The following TUBA1A variants were observed in gnomAD, a reference collection of about 807,000 sequenced individuals.
TUBA1A encodes the protein tubulin alpha-1A chain.
A neutral mutation model predicts 34.6 loss-of-function variants in TUBA1A; 7 were observed. The ratio of observed to expected loss-of-function variants is 0.20; its 90% CI spans 0.11 to 0.38. The LOEUF is 0.38. Ranked by LOEUF, TUBA1A falls within the 10% of genes least tolerant of loss-of-function variation. TUBA1A has a pLI of 1.00. For synonymous variants in TUBA1A, 193 were observed against 210.2 expected, an observed-to-expected ratio of 0.92 and a Z score of 0.71; for missense variants, 19 against 581.3, an observed-to-expected ratio of 0.03 and a Z score of 9.95.
rs927504561 is a variant in TUBA1A at position 49,186,216 on chromosome 12, A to G, written c.375+94T>C. 6.2e-7 allele frequency: 1 copy of G among 1,610,224 alleles called. No individual in the cohort carries two copies. Among genetic ancestry groups the G allele is most frequent in the Non-Finnish European group, 8.5e-7 (1 of 1,178,584 alleles). On this transcript the variant is annotated intron_variant, in intron 3 of 3. Transcript: ENST00000301071. This position sits in a 1 kb window ranked among gnomAD's most constrained non-coding sequence, Gnocchi z 6.6. ...ATGACTCATTCCACTCTTTATTAAAATAACAGTTCAATTCTGTGTTTGAAA... is the reference window on the plus strand; with the variant it reads ...ATGACTCATTCCACTCTTTATTAAAGTAACAGTTCAATTCTGTGTTTGAAA...
At chr12:49,187,891 G>T (rs935449883) in intron 1 of TUBA1A, 24 of 969,440 alleles carry the variant, frequency 2.5e-5, no homozygotes, top group Non-Finnish European at 2.9e-5. Context: ...TTGTCTATTC[G>T]CTGATGTGGT....
chr12:49,186,110 G>T lies in TUBA1A; in HGVS notation c.376-120C>A. The T allele has an allele frequency of 6.6e-7, 1 of 1,521,296 alleles. No homozygotes were observed. Among genetic ancestry groups the T allele is most frequent in the Non-Finnish European group, 8.8e-7 (1 of 1,131,388 alleles). 94.2% of individuals were successfully genotyped at this position (1,521,296 alleles called of 1,614,324 possible). On this transcript the variant is annotated intron_variant, in intron 3 of 3. Transcript: ENST00000301071. This position sits in a 1 kb window ranked among gnomAD's most constrained non-coding sequence, Gnocchi z 6.6. ...GGACTTAGATCTTATTTTGACAAATGCTTTTTAAAAAATTCTCATTAACAT... is the reference window on the plus strand; with the variant it reads ...GGACTTAGATCTTATTTTGACAAATTCTTTTTAAAAAATTCTCATTAACAT...
Position 49,186,945 on chromosome 12 carries a change from T to A in TUBA1A, c.4-112A>T. On this transcript the variant is annotated intron_variant, in intron 1 of 3. Transcript: ENST00000301071. The surrounding 1 kb of genome is among the most constrained non-coding windows in gnomAD (Gnocchi z 6.6). ...ATATACAGATATTTTTCTAAATTATTTGAGGTCATATCCCCAGCACGATAC... is the reference window on the plus strand; with the variant it reads ...ATATACAGATATTTTTCTAAATTATATGAGGTCATATCCCCAGCACGATAC... The A allele has an allele frequency of 6.5e-7, 1 of 1,527,920 alleles. No homozygotes were observed. The highest frequency in any genetic ancestry group is 8.7e-7 in the Non-Finnish European group (1 of 1,143,426). The allele number at this position is 1,527,920 out of a possible 1,614,324, so 94.6% of individuals were successfully genotyped here.
At position 49,188,054 on chromosome 12, in the gene TUBA1A, C is replaced by A; in HGVS notation, c.3+923G>T. ...CACACACACACACACACACTTCAGT[C>A]GGTCAGGGCAGGGCGTCCCACAGAC... On this transcript the variant is annotated intron_variant, in intron 1 of 3. Coordinates refer to ENST00000301071, the MANE Select transcript of TUBA1A (RefSeq NM_006009.4). This position sits in a 1 kb window ranked among gnomAD's most constrained non-coding sequence, Gnocchi z 4.9. The A allele has an allele frequency of 1.1e-6, 1 of 938,976 alleles. No homozygotes were observed. The allele number at this position is 938,976 out of a possible 1,614,324, so 58.2% of individuals were successfully genotyped here. A position where few individuals can be genotyped will look rare whatever the true frequency, so the allele number is the denominator to read the frequency against.
In TUBA1A at chr12:49,188,931, C is replaced by T. The variant is rs1942218006; in HGVS notation, c.3+46G>A. 6 of 1,614,110 alleles carry T rather than the reference C, an allele frequency of 3.7e-6. No individual in the cohort carries two copies. The African/African-American group carries it at 4.0e-5, about 11-fold the overall frequency. ...AGGTTTTCCAAGTAGAGCCTGGGGG[C>T]GCTGACTCCACCCAACGGCCACAAA... is the stretch of plus-strand genomic sequence containing the variant. On this transcript the variant is annotated intron_variant, in intron 1 of 3. Transcript: ENST00000301071. The surrounding 1 kb of genome is among the most constrained non-coding windows in gnomAD (Gnocchi z 4.9).
At position 49,188,729 on chromosome 12, in the gene TUBA1A, G is replaced by A; in HGVS notation, c.3+248C>T. 1 of 1,451,968 alleles carries A rather than the reference G, an allele frequency of 6.9e-7. No homozygotes were observed. The highest frequency in any genetic ancestry group is 9.0e-7 in the Non-Finnish European group (1 of 1,111,324). 89.9% of individuals were successfully genotyped at this position (1,451,968 alleles called of 1,614,324 possible). On this transcript the variant is annotated intron_variant, in intron 1 of 3. Coordinates refer to ENST00000301071, the MANE Select transcript of TUBA1A (RefSeq NM_006009.4). This position sits in a 1 kb window ranked among gnomAD's most constrained non-coding sequence, Gnocchi z 4.9. ...CGAAAGTCTCTCGGATAACACAGGC[G>A]CCTAGGCGCCGCCTTTGTTCCTCCC... is the stretch of plus-strand genomic sequence containing the variant.
Position 49,186,861 on chromosome 12 carries a change from T to C in TUBA1A, c.4-28A>G. 3.7e-6 allele frequency: 6 copies of C among 1,613,926 alleles called. No individual in the cohort carries two copies. The highest frequency in any genetic ancestry group is 4.2e-6 in the Non-Finnish European group (5 of 1,179,932). ...GTGGGGAGGAAAAGTGAAAAAATCG[T>C]AAAATTAAGGTGTATTAGCATTTCA... On this transcript the variant is annotated intron_variant, in intron 1 of 3. Transcript: ENST00000301071. The surrounding 1 kb of genome is among the most constrained non-coding windows in gnomAD (Gnocchi z 6.6).
At position 49,184,946 on chromosome 12, in the gene TUBA1A, C is replaced by T; in HGVS notation, c.*64G>A. Reference sequence around the variant, plus strand: ...TACAAATTAACTGATCAGACCACAACTTTTCAATGTTTAAAACAGAATAAG... The same window carrying T: ...TACAAATTAACTGATCAGACCACAATTTTTCAATGTTTAAAACAGAATAAG... On this transcript the variant is annotated 3_prime_UTR_variant, in exon 4 of 4. Coordinates refer to ENST00000301071, the MANE Select transcript of TUBA1A (RefSeq NM_006009.4). The T allele has an allele frequency of 6.2e-7, 1 of 1,613,528 alleles. No individual in the cohort carries two copies. Among genetic ancestry groups the T allele is most frequent in the Non-Finnish European group, 8.5e-7 (1 of 1,179,706 alleles).
At position 49,188,957 on chromosome 12, in the gene TUBA1A, G is replaced by C; in HGVS notation, c.3+20C>G. On this transcript the variant is annotated intron_variant, in intron 1 of 3. Transcript: ENST00000301071. This position sits in a 1 kb window ranked among gnomAD's most constrained non-coding sequence, Gnocchi z 4.9. ...GCTGACTCCACCCAACGGCCACAAAGAGCCGAAGCCGATTCTCACCATGGT... is the reference window on the plus strand; with the variant it reads ...GCTGACTCCACCCAACGGCCACAAACAGCCGAAGCCGATTCTCACCATGGT... 6.2e-7 allele frequency: 1 copy of C among 1,614,228 alleles called. No homozygotes were observed. Among genetic ancestry groups the C allele is most frequent in the Non-Finnish European group, 8.5e-7 (1 of 1,180,048 alleles).
rs954815487 is a variant in TUBA1A, at chr12:49,188,829, G to A, written c.3+148C>T. 2 of 1,603,086 alleles carry A rather than the reference G, an allele frequency of 1.2e-6. No homozygotes were observed. The highest frequency in any genetic ancestry group is 3.3e-5 in the Admixed American group (2 of 59,796). ...GCACTGCGGCGGCGGCGGGGCTTGA[G>A]GATTTGGGGCTAAGCTAAACCTCAC... On this transcript the variant is annotated intron_variant, in intron 1 of 3. Transcript: ENST00000301071. The surrounding 1 kb of genome is among the most constrained non-coding windows in gnomAD (Gnocchi z 4.9).
Position 49,188,781 on chromosome 12 carries a change from G to A in TUBA1A, c.3+196C>T. On this transcript the variant is annotated intron_variant, in intron 1 of 3. Transcript: ENST00000301071. This position sits in a 1 kb window ranked among gnomAD's most constrained non-coding sequence, Gnocchi z 4.9. ...AGCGCTCTGCTGCGCCCTGGGCGCAGTACTGGCCCGGTTCCTGCACCCGCA... is the reference window on the plus strand; with the variant it reads ...AGCGCTCTGCTGCGCCCTGGGCGCAATACTGGCCCGGTTCCTGCACCCGCA... The A allele has an allele frequency of 1.9e-6, 3 of 1,579,148 alleles. No individual in the cohort carries two copies. The highest frequency in any genetic ancestry group is 2.6e-6 in the Non-Finnish European group (3 of 1,170,516).
rs1942214859 is a variant in TUBA1A, at chr12:49,188,704, C to A, written c.3+273G>T. 2 of 1,439,880 alleles carry A rather than the reference C, an allele frequency of 1.4e-6. No homozygotes were observed. Among genetic ancestry groups the A allele is most frequent in the Non-Finnish European group, 1.8e-6 (2 of 1,104,224 alleles). The allele number at this position is 1,439,880 out of a possible 1,614,324, so 89.2% of individuals were successfully genotyped here. A position where few individuals can be genotyped will look rare whatever the true frequency, so the allele number is the denominator to read the frequency against. On this transcript the variant is annotated intron_variant, in intron 1 of 3. Transcript: ENST00000301071. This position sits in a 1 kb window ranked among gnomAD's most constrained non-coding sequence, Gnocchi z 4.9. ...CGGCAGACGGGCTGCCCGCGGCCCC[C>A]GAAAGTCTCTCGGATAACACAGGCG...
In TUBA1A at chr12:49,188,085, C is replaced by A. The variant is rs554338128; in HGVS notation, c.3+892G>T. 2 of 936,216 alleles carry A rather than the reference C, an allele frequency of 2.1e-6. No individual in the cohort carries two copies. Among genetic ancestry groups the A allele is most frequent in the African/African-American group, 3.6e-5 (2 of 55,332 alleles). 58.0% of individuals were successfully genotyped at this position (936,216 alleles called of 1,614,324 possible). A position where few individuals can be genotyped will look rare whatever the true frequency, so the allele number is the denominator to read the frequency against. The stretch of plus-strand genomic sequence containing the variant: ...GGGCAGGGCGTCCCACAGACACACA[C>A]ACACACACACACACACACACACACA... On this transcript the variant is annotated intron_variant, in intron 1 of 3. Transcript: ENST00000301071. The surrounding 1 kb of genome is among the most constrained non-coding windows in gnomAD (Gnocchi z 4.9).
intron 1 of TUBA1A, chr12:49,187,226 C>T (rs977547288): frequency 8.9e-7 from 1 of 1,127,996 alleles, no homozygotes; most frequent in Non-Finnish European, 1.1e-6. Flanking sequence ...AAAGTTTCCT[C>T]TGAATAGGAC....
chr12:49,186,184 C>CA lies in TUBA1A; in HGVS notation c.375+125dup. ...CATTTTAACTGAATTTTAAAAACCC[C>CA]AAAAGAATGACTCATTCCACTCTTT... On this transcript the variant is annotated intron_variant, in intron 3 of 3. Transcript: ENST00000301071. This position sits in a 1 kb window ranked among gnomAD's most constrained non-coding sequence, Gnocchi z 6.6. 1 of 1,589,012 alleles carries CA rather than the reference C, an allele frequency of 6.3e-7. No individual in the cohort carries two copies. The highest frequency in any genetic ancestry group is 8.6e-7 in the Non-Finnish European group (1 of 1,165,478).
rs774605003 is a variant in TUBA1A, at chr12:49,186,654, A to G, written c.183T>C (p.His61=). Residue 61 remains histidine, a synonymous_variant, in exon 2 of 4, where the codon CAT becomes CAC. Transcript: ENST00000301071. This position sits in a 1 kb window ranked among gnomAD's most constrained non-coding sequence, Gnocchi z 6.6. ...AGTCTACAAACACTGCCCGGGGCAC[A>G]TGCTTGCCAGCCCCCGTCTCACTGA... The part of the protein sequence containing the change: ...TFFSETGAGK[H]VPRAVFVDLE... 8 of 1,614,186 alleles carry G rather than the reference A, an allele frequency of 5.0e-6. No homozygotes were observed. The highest frequency in any genetic ancestry group is 2.2e-5 in the South Asian group (2 of 91,084).
At position 49,189,041 on chromosome 12, in the gene TUBA1A, T is replaced by C; in HGVS notation, c.-62A>G. 2 of 1,610,864 alleles carry C rather than the reference T, an allele frequency of 1.2e-6. No individual in the cohort carries two copies. The highest frequency in any genetic ancestry group is 1.3e-5 in the African/African-American group (1 of 74,980). On this transcript the variant is annotated 5_prime_UTR_variant, in exon 1 of 4. Coordinates refer to ENST00000301071, the MANE Select transcript of TUBA1A (RefSeq NM_006009.4). ...ACGAAGAGGAGAGGTTGTTGCTTCTTACAGCGCGACTCTTAGGCGGTCGAT... is the reference window on the plus strand; with the variant it reads ...ACGAAGAGGAGAGGTTGTTGCTTCTCACAGCGCGACTCTTAGGCGGTCGAT...
Position 49,186,151 on chromosome 12 carries a change from A to C in TUBA1A, c.375+159T>G. ...TCATTAACATTTACAAAATGACATC[A>C]AATAGTTCATTTTAACTGAATTTTA... On this transcript the variant is annotated intron_variant, in intron 3 of 3. Transcript: ENST00000301071. This position sits in a 1 kb window ranked among gnomAD's most constrained non-coding sequence, Gnocchi z 6.6. The C allele has an allele frequency of 6.5e-7, 1 of 1,535,664 alleles. No homozygotes were observed. The highest frequency in any genetic ancestry group is 8.8e-7 in the Non-Finnish European group (1 of 1,134,598).
Position 49,188,687 on chromosome 12 carries a change from G to C in TUBA1A, c.3+290C>G. 7.0e-7 allele frequency: 1 copy of C among 1,437,500 alleles called. No individual in the cohort carries two copies. The highest frequency in any genetic ancestry group is 9.1e-7 in the Non-Finnish European group (1 of 1,102,752). 89.0% of individuals were successfully genotyped at this position (1,437,500 alleles called of 1,614,324 possible). ...CCCAGACCCCTCGGTCGCGGCAGAC[G>C]GGCTGCCCGCGGCCCCCGAAAGTCT... On this transcript the variant is annotated intron_variant, in intron 1 of 3. Transcript: ENST00000301071. This position sits in a 1 kb window ranked among gnomAD's most constrained non-coding sequence, Gnocchi z 4.9.
Sources: gnomAD v4.1 joint callset for allele counts on GRCh38, gnomAD v4.1.1 for gene constraint, Gnocchi (gnomAD v3.1) non-coding constraint, MANE v1.5 for transcripts, NCBI Gene and HGNC (gene_info 2026-07-23, HGNC 2026-07-21) for gene names.